Variants in CSF1 observed in about 807,000 individuals in gnomAD.
CSF1 encodes the protein colony stimulating factor 1.
In CSF1, 9 loss-of-function variants were observed where a neutral mutation model predicts 48.9. The observed-to-expected ratio is 0.18, with a 90% CI of 0.11 to 0.32. CSF1 has a LOEUF of 0.32. Among genes scored for constraint, CSF1 ranks in the 10% least tolerant of loss-of-function variants. The pLI is 1.00. For missense variants in CSF1, 672 were observed against 697.9 expected (o/e 0.96, Z 0.42); for synonymous variants, 305 against 284.1 (o/e 1.07, Z -0.74).
intron 4 of CSF1, 89 bp from the exon 5 acceptor site, chr1:109,921,758 G>A: frequency 1.4e-6 from 2 of 1,425,534 alleles, no homozygotes; most frequent in Non-Finnish European, 1.9e-6. Context: ...GAAGACAGAT[G>A]TGAGAAAGGC....
At chr1:109,925,349 A>T (rs1647798794) in intron 8 of CSF1, 147 bp downstream of exon 8, 4 of 690,728 alleles carry the variant, frequency 5.8e-6, no homozygotes, top group Non-Finnish European at 1.0e-5. Flanking sequence ...ATCGCCAGCC[A>T]GGTCCAGCCA....
At position 109,923,328 on chromosome 1, in the gene CSF1, C is replaced by G. The variant is rs1370852870; in HGVS notation, c.707C>G (p.Pro236Arg). ...GGAACTGAGGGCAGCTCCCTCTTGC[C>G]TGGTGAGCAGCCCCTGCACACAGTG... is the stretch of plus-strand genomic sequence containing the variant. ...SEGTEGSSLL[P>R]GEQPLHTVDP... The change falls in exon 6 of 9, where the codon CCT becomes CGT. Residue 236 changes from proline (P) to arginine (R), a missense_variant. Pro to Arg is a moderately radical substitution (Grantham distance 103). Coordinates refer to ENST00000329608, the MANE Select transcript of CSF1 (RefSeq NM_000757.6). 1 of 1,612,332 alleles carries G rather than the reference C, an allele frequency of 6.2e-7. No homozygotes were observed. Among genetic ancestry groups the G allele is most frequent in the East Asian group, 2.2e-5 (1 of 44,864 alleles).
At chr1:109,921,319 G>T (rs758397045) in intron 4 of CSF1, among the ~76,000 whole-genome samples, 2 of 152,168 alleles carry the variant, frequency 1.3e-5, no homozygotes, top group Non-Finnish European at 2.9e-5. Flanking sequence ...TAGTCTTTGG[G>T]CTTTTCATGC....
Position 109,923,791 on chromosome 1 carries a change from A to C in CSF1, c.1170A>C (p.Pro390=). 1 of 1,609,906 alleles carries C rather than the reference A, an allele frequency of 6.2e-7. No homozygotes were observed. The highest frequency in any genetic ancestry group is 8.5e-7 in the Non-Finnish European group (1 of 1,178,052). The change falls in exon 6 of 9, where the codon CCA becomes CCC. Residue 390 remains proline (P), a synonymous_variant. Transcript: ENST00000329608. ...WNHTPQKTDH[P]SALLRDPPEP... ...ACACCCCCCAGAAGACAGACCATCC[A>C]TCTGCCCTGCTCAGAGACCCCCCGG...
At chr1:109,919,797 A>T (rs958505933) in intron 4 of CSF1, among the ~76,000 whole-genome samples, 2 of 152,014 alleles carry the variant, frequency 1.3e-5, no homozygotes, top group African/African-American at 4.8e-5. Context: ...CATCTTTACT[A>T]AAAATACAAA....
In CSF1 at chr1:109,921,152, C is replaced by T. The variant is rs1035746071; in HGVS notation, c.397-695C>T. Reference sequence around the variant, plus strand: ...CATGCCACTGCCCACCCCTAACACCCCTTCAGATGTTTTCCCTTTGCTCTG... The same window carrying T: ...CATGCCACTGCCCACCCCTAACACCTCTTCAGATGTTTTCCCTTTGCTCTG... On this transcript the variant is annotated intron_variant, in intron 4 of 8. Transcript: ENST00000329608. Among the ~76,000 whole-genome samples the T allele has an allele frequency of 2.9e-4, 44 of 152,326 alleles. 1 individual carries two copies. Among genetic ancestry groups the T allele is most frequent in the Non-Finnish European group, 1.5e-5 (1 of 68,032 alleles).
intron 4 of CSF1, among the ~76,000 whole-genome samples, chr1:109,919,523 C>T (rs1345344864): frequency 6.6e-6 from 1 of 152,210 alleles, no homozygotes; most frequent in Non-Finnish European, 1.5e-5. Context: ...GTTACTGTGC[C>T]TGGCCAGGAA....
chr1:109,924,014 G>C lies in CSF1; in HGVS notation c.1393G>C (p.Ala465Pro), dbSNP rs1647713697. The change falls in exon 6 of 9, where the codon GCC becomes CCC. Residue 465 changes from alanine to proline, a missense_variant. Ala to Pro is a conservative substitution (Grantham distance 27, BLOSUM62 -1). This residue lies in a region of CSF1 where 591 missense variants were observed against 593.6 expected (regional missense o/e 1.00). Coordinates refer to ENST00000329608, the MANE Select transcript of CSF1 (RefSeq NM_000757.6). ...AGGAGGACCAGCAAGTGAAGGGGCA[G>C]CCAGGCCCCTGCCCCGTTTTAACTC... ...PEGGPASEGA[A>P]RPLPRFNSVP... 6.2e-7 allele frequency: 1 copy of C among 1,614,234 alleles called. No individual in the cohort carries two copies. The highest frequency in any genetic ancestry group is 1.3e-5 in the African/African-American group (1 of 75,064).
chr1:109,920,360 C>T (rs747437684), intron 4 of CSF1, among the ~76,000 whole-genome samples: 4 of 150,660 alleles, frequency 2.7e-5, no homozygotes, highest in African/African-American at 7.3e-5. Flanking sequence ...CTTTGCCTCC[C>T]GGGTTCAAGC....
At chr1:109,919,262 A>G (rs961121274) in intron 4 of CSF1, among the ~76,000 whole-genome samples, 2 of 152,166 alleles carry the variant, frequency 1.3e-5, no homozygotes, top group Non-Finnish European at 2.9e-5. Flanking sequence ...GTTTTGAGAC[A>G]GGGTCTCATT....
Position 109,923,702 on chromosome 1 carries a change from G to A in CSF1, c.1081G>A (p.Asp361Asn). 1 of 1,613,554 alleles carries A rather than the reference G, an allele frequency of 6.2e-7. No individual in the cohort carries two copies. The highest frequency in any genetic ancestry group is 8.5e-7 in the Non-Finnish European group (1 of 1,179,682). The change falls in exon 6 of 9, where the codon GAT becomes AAT. Residue 361 changes from aspartate (D) to asparagine (N), a missense_variant. Physicochemically the swap from Asp to Asn is conservative, Grantham distance 23. Around this residue, in one of 3 missense-constraint regions of CSF1, gnomAD observed 591 missense variants for 593.6 expected, o/e 1.00. Coordinates refer to ENST00000329608, the MANE Select transcript of CSF1 (RefSeq NM_000757.6). ...ATCAGCAAAGGGCCAACAGCCGGCA[G>A]ATGTAACTGGTACCGCCTTGCCCAG... is the stretch of plus-strand genomic sequence containing the variant. ...PASAKGQQPA[D>N]VTGTALPRVG...
chr1:109,912,158 GA>G (rs1448717996), intron 1 of CSF1, among the ~76,000 whole-genome samples: 2 of 152,092 alleles, frequency 1.3e-5, no homozygotes, highest in African/African-American at 4.8e-5. Flanking sequence ...GCCATAGGCA[GA>G]AAGCAAAGCT....
In CSF1 at chr1:109,919,426, G is replaced by A. The variant is rs1015277218; in HGVS notation, c.396+1963G>A. Among the ~76,000 whole-genome samples the A allele has an allele frequency of 5.3e-5, 8 of 152,188 alleles. No homozygotes were observed. The East Asian group carries it at 1.2e-3, about 22-fold the overall frequency. Reference sequence around the variant, plus strand: ...CTATTTTTTGTAGAGATAGGGTTTCGCAATGTTGCCCAGGCTGGTCTCAAA... The same window carrying A: ...CTATTTTTTGTAGAGATAGGGTTTCACAATGTTGCCCAGGCTGGTCTCAAA... On this transcript the variant is annotated intron_variant, in intron 4 of 8. Coordinates refer to ENST00000329608, the MANE Select transcript of CSF1 (RefSeq NM_000757.6).
In CSF1 at chr1:109,923,845, G is replaced by A. The variant is rs1251015613; in HGVS notation, c.1224G>A (p.Leu408=). The A allele has an allele frequency of 2.5e-6, 4 of 1,613,800 alleles. No individual in the cohort carries two copies. The highest frequency in any genetic ancestry group is 3.4e-6 in the Non-Finnish European group (4 of 1,179,838). Residue 408 remains leucine, a synonymous_variant, in exon 6 of 9, where the codon CTG becomes CTA. Coordinates refer to ENST00000329608, the MANE Select transcript of CSF1 (RefSeq NM_000757.6). ...CAGGCTCTCCCAGGATCTCATCACT[G>A]CGCCCCCAGGGCCTCAGCAACCCCT... ...PEPGSPRISS[L]RPQGLSNPST... is the part of the protein sequence containing the mutation.
chr1:109,918,288 GA>G (rs1417254873), intron 4 of CSF1, among the ~76,000 whole-genome samples: 2 of 152,210 alleles, frequency 1.3e-5, no homozygotes, highest in Non-Finnish European at 2.9e-5. Context: ...GGAAGTGAAG[GA>G]GGGGGAGGAG....
intron 8 of CSF1, chr1:109,926,466 A>G (rs1447681698): frequency 6.6e-6 from 1 of 152,236 alleles, no homozygotes; most frequent in Non-Finnish European, 1.5e-5. Context: ...TGAAATCCTA[A>G]TTCTGTCATC....
At chr1:109,922,323 A>G in intron 5 of CSF1, 1 of 231,176 alleles carries the variant, frequency 4.3e-6, no homozygotes, top group Admixed American at 5.7e-5. Flanking sequence ...AGCTTTCCCC[A>G]CTGGCTCTGC....
intron 7 of CSF1, 54 bp from the exon 8 acceptor site, chr1:109,925,093 C>T: frequency 6.5e-7 from 1 of 1,535,902 alleles, no homozygotes; most frequent in Non-Finnish European, 9.0e-7. Context: ...ACGGAGTCCC[C>T]TTATTCCCCT....
Position 109,921,831 on chromosome 1 carries a change from C to T in CSF1, c.397-16C>T. 6.5e-7 allele frequency: 1 copy of T among 1,546,498 alleles called. No homozygotes were observed. The highest frequency in any genetic ancestry group is 1.2e-5 in the South Asian group (1 of 82,682). ...AATGGTCATGCTCACAAAAGGGGGC[C>T]CTGATCTCCTTCCAGGCCTGCGTCC... On this transcript the variant is annotated splice_polypyrimidine_tract_variant and intron_variant, in intron 4 of 8. Transcript: ENST00000329608.
Sources: allele counts gnomAD v4.1 joint callset (sites outside exome capture counted in the v4.1 genomes callset), GRCh38; gene constraint gnomAD v4.1.1; regional missense constraint gnomAD v4.1.1; transcripts MANE v1.5; gene names NCBI Gene and HGNC (gene_info 2026-07-23, HGNC 2026-07-21).